Variants in ACTR10 observed in about 807,000 individuals in gnomAD.
ACTR10 encodes the protein actin related protein 10.
Under a neutral mutation model 56.2 loss-of-function variants are expected in ACTR10, and 43 were observed. The observed-to-expected ratio is 0.77, with a 90% confidence interval of 0.60 to 0.99. ACTR10 has a LOEUF of 0.99. Ranked by LOEUF, ACTR10 falls within the 50% of genes least tolerant of loss-of-function variation. The probability of loss-of-function intolerance (pLI) is 0.00; values close to 1 mark genes in which losing one functional copy is unlikely to be tolerated. For missense variants in ACTR10, 466 were observed against 507.8 expected (o/e 0.92, Z 0.79); for synonymous variants, 170 against 176.3 (o/e 0.96, Z 0.28).
intron 10 of ACTR10, among the ~76,000 whole-genome samples, chr14:58,226,753 C>G (rs1889412973): frequency 6.6e-6 from 1 of 152,030 alleles, no homozygotes; most frequent in Non-Finnish European, 1.5e-5. Context: ...GGCATGCGCA[C>G]CATGCCCAGC....
rs1888757799 is a variant in ACTR10, at chr14:58,202,837, T to G, written c.78-18T>G. On this transcript the variant is annotated intron_variant, in intron 1 of 12. Transcript: ENST00000254286. ...AAAAGAATACTATAAGTTGTTTCAA[T>G]TTTCCATTTATTTGCAGGTGTGGAT... 1 of 1,555,520 alleles carries G rather than the reference T, an allele frequency of 6.4e-7. No homozygotes were observed. The highest frequency in any genetic ancestry group is 1.4e-5 in the African/African-American group (1 of 72,648).
At chr14:58,219,325 A>G (rs1889212068) in intron 7 of ACTR10, among the ~76,000 whole-genome samples, 1 of 152,252 alleles carries the variant, frequency 6.6e-6, no homozygotes, top group Non-Finnish European at 1.5e-5. Context: ...AATTCAAAAA[A>G]GAATGAATAA....
Position 58,234,542 on chromosome 14 carries a change from T to G in ACTR10, c.1245T>G (p.Thr415=). The G allele has an allele frequency of 6.2e-7, 1 of 1,605,268 alleles. No individual in the cohort carries two copies. Among genetic ancestry groups the G allele is most frequent in the Non-Finnish European group, 8.5e-7 (1 of 1,176,100 alleles). ...QPPLMKRAFS[T]EK ...CTCTGATGAAGAGAGCATTTTCCAC[T>G]GAGAAATAGAAGTTTGATTAAAAAT... Residue 415 remains threonine, a synonymous_variant, in exon 13 of 13, where the codon ACT becomes ACG. Transcript: ENST00000254286.
At chr14:58,229,865 C>G (rs1889490033) in intron 10 of ACTR10, among the ~76,000 whole-genome samples, 1 of 151,734 alleles carries the variant, frequency 6.6e-6, no homozygotes, top group Admixed American at 6.6e-5. Context: ...TTCATCACCA[C>G]AGAGATCTTC....
intron 5 of ACTR10, among the ~76,000 whole-genome samples, chr14:58,211,939 CAAA>C: frequency 7.9e-6 from 1 of 127,298 alleles, no homozygotes; most frequent in African/African-American, 2.9e-5. Context: ...GACTCTGTCT[CAAA>C]AAAAAAAAAA....
rs1288351941 is a variant in ACTR10, at chr14:58,223,683, T to C, written c.696T>C (p.Asn232=). Residue 232 remains asparagine, a synonymous_variant, in exon 9 of 13, where the codon AAT becomes AAC. Coordinates refer to ENST00000254286, the MANE Select transcript of ACTR10 (RefSeq NM_018477.3). The part of the protein sequence containing the change: ...RGLKIQAAKF[N]IDGNNERPSP... ...TAAAAATCCAAGCAGCAAAATTTAA[T>C]ATTGATGGGAATAATGAGGTAAGTT... The C allele has an allele frequency of 2.5e-6, 4 of 1,612,852 alleles. No individual in the cohort carries two copies. Among genetic ancestry groups the C allele is most frequent in the Non-Finnish European group, 3.4e-6 (4 of 1,179,682 alleles).
intron 3 of ACTR10, 97 bp from the exon 4 acceptor site, chr14:58,208,900 CTT>C (rs1390688393): frequency 5.6e-6 from 4 of 713,630 alleles, no homozygotes; most frequent in Middle Eastern, 3.0e-4. Context: ...GATAAAATAT[CTT>C]AAGCTAAGGT....
intron 9 of ACTR10, 24 bp downstream of exon 9, chr14:58,223,725 A>G (rs773558395): frequency 3.1e-6 from 5 of 1,598,420 alleles, no homozygotes; most frequent in South Asian, 1.1e-5. Flanking sequence ...AAAAAAAGGC[A>G]TCTTTTTGCA....
intron 6 of ACTR10, 43 bp from the exon 7 acceptor site, chr14:58,215,162 T>C: frequency 8.2e-7 from 1 of 1,225,928 alleles, no homozygotes; most frequent in Non-Finnish European, 1.2e-6. Context: ...AGGATATCAG[T>C]TTCAATATTT....
intron 11 of ACTR10, 49 bp from the exon 12 acceptor site, chr14:58,232,017 T>C (rs1467315369): frequency 3.1e-6 from 4 of 1,273,108 alleles, no homozygotes; most frequent in Non-Finnish European, 4.4e-6. Context: ...AATCAAGCAT[T>C]ATTTGTACAG....
Position 58,234,756 on chromosome 14 carries a change from T to G in ACTR10, c.*205T>G, listed in dbSNP as rs1889637359. ...AATGGTAGCTGGTGCTTATTGAGAT[T>G]TGCTGTATTTATATCAATAAAGTAT... On this transcript the variant is annotated 3_prime_UTR_variant, in exon 13 of 13. Transcript: ENST00000254286. 2 of 428,908 alleles carry G rather than the reference T, an allele frequency of 4.7e-6. No homozygotes were observed. The highest frequency in any genetic ancestry group is 8.0e-6 in the Non-Finnish European group (2 of 248,878). The allele number at this position is 428,908 out of a possible 1,614,324, so 26.6% of individuals were successfully genotyped here.
chr14:58,216,446 A>G (rs992881444), intron 7 of ACTR10, among the ~76,000 whole-genome samples: 1 of 152,190 alleles, frequency 6.6e-6, no homozygotes, highest in Non-Finnish European at 1.5e-5. Context: ...CACAAAATAA[A>G]TATAAATACA....
chr14:58,211,212 A>G, intron 4 of ACTR10, 80 bp from the exon 5 acceptor site: 1 of 1,042,406 alleles, frequency 9.6e-7, no homozygotes, highest in Non-Finnish European at 1.5e-6. Flanking sequence ...ATTTTTTCAA[A>G]TATATTTGGA....
intron 2 of ACTR10, among the ~76,000 whole-genome samples, chr14:58,203,559 A>G (rs151084212): frequency 1.3e-5 from 2 of 152,228 alleles, no homozygotes; most frequent in African/African-American, 4.8e-5. Context: ...TTCTGTTTCT[A>G]TAGATTTGTC....
rs1004260428 is a variant in ACTR10 at position 58,225,774 on chromosome 14, G to A, written c.788+1918G>A. Among the ~76,000 whole-genome samples the A allele has an allele frequency of 2.6e-5, 4 of 151,168 alleles. No homozygotes were observed. The South Asian group carries it at 6.3e-4, about 24-fold the overall frequency. On this transcript the variant is annotated intron_variant, in intron 10 of 12. Coordinates refer to ENST00000254286, the MANE Select transcript of ACTR10 (RefSeq NM_018477.3). The stretch of plus-strand genomic sequence containing the variant: ...TTCCCCCAGGCTGGAGTGCACTGGC[G>A]CGGTCTCGGCTCACTGCAGCCTCCT...
chr14:58,204,463 A>G (rs1346249631), intron 2 of ACTR10, among the ~76,000 whole-genome samples: 7 of 152,162 alleles, frequency 4.6e-5, no homozygotes, highest in Non-Finnish European at 1.5e-5. Context: ...AAGTGGGAGG[A>G]TCACTTGAGC....
At chr14:58,215,388 C>A in intron 7 of ACTR10, 104 bp downstream of exon 7, 2 of 664,600 alleles carry the variant, frequency 3.0e-6, no homozygotes, top group East Asian at 2.8e-5. Context: ...CTTTTCTCCC[C>A]ATGCCACTCT....
chr14:58,219,757 T>A (rs369024535), intron 8 of ACTR10, 28 bp downstream of exon 8: 6 of 1,480,834 alleles, frequency 4.1e-6, no homozygotes, highest in Non-Finnish European at 5.4e-6. Flanking sequence ...TTTTGTCCCT[T>A]TCATCCTTAA....
At chr14:58,202,988 C>T in intron 2 of ACTR10, 61 bp downstream of exon 2, 1 of 1,181,620 alleles carries the variant, frequency 8.5e-7, no homozygotes, top group South Asian at 1.3e-5. Flanking sequence ...TAAAATATGA[C>T]TTCAAGTAAG....
Sources: gnomAD v4.1 joint callset for allele counts (sites outside exome capture counted in the v4.1 genomes callset) on GRCh38, gnomAD v4.1.1 for gene constraint, MANE v1.5 for transcripts, NCBI Gene and HGNC (gene_info 2026-07-23, HGNC 2026-07-21) for gene names.